PDXDC1: variants seen among roughly 807,000 people sequenced by gnomAD.
The protein encoded by PDXDC1 is pyridoxal dependent decarboxylase domain containing 1, also known as pyridoxal-dependent decarboxylase domain-containing protein 1.
Under a neutral mutation model 100.1 loss-of-function variants are expected in PDXDC1, and 42 were observed. That is an observed-to-expected ratio of 0.42 (90% CI 0.33 to 0.54). The LOEUF is 0.54. Among genes scored for constraint, PDXDC1 ranks in the 20% least tolerant of loss-of-function variants. The pLI, the probability that PDXDC1 is intolerant of heterozygous loss-of-function variation, is 0.10. For missense variants in PDXDC1, 636 were observed against 979.2 expected (o/e 0.65, Z 4.68); for synonymous variants, 260 against 371.7 (o/e 0.70, Z 3.46).
downstream of PDXDC1, among the ~76,000 whole-genome samples, chr16:15,139,885 CAA>C (rs1271353575): frequency 6.6e-6 from 1 of 151,960 alleles, no homozygotes; most frequent in Admixed American, 6.6e-5. Context: ...ATTATGAGAT[CAA>C]GAGATCGAGA....
intron 12 of PDXDC1, among the ~76,000 whole-genome samples, chr16:15,021,782 A>G (rs1189287190): frequency 2.0e-5 from 3 of 152,278 alleles, no homozygotes. Flanking sequence ...ACAGTGGAGC[A>G]TACATTTCCT....
At chr16:15,143,637 G>A (rs1598296741), downstream of PDXDC1, among the ~76,000 whole-genome samples, 2 of 152,222 alleles carry the variant, frequency 1.3e-5, no homozygotes, top group African/African-American at 4.8e-5. Context: ...TTGTGGCTGG[G>A]CCTTCTGCCC....
upstream of PDXDC1, chr16:14,974,862 A>G (rs1018714960): frequency 1.3e-5 from 20 of 1,535,528 alleles, no homozygotes; most frequent in African/African-American, 1.8e-4. Flanking sequence ...TGATTATTAT[A>G]CTTCTACCTT....
intron 1 of PDXDC1, among the ~76,000 whole-genome samples, chr16:14,984,118 G>C (rs1448131774): frequency 6.6e-6 from 1 of 152,156 alleles, no homozygotes; most frequent in African/African-American, 2.4e-5. Flanking sequence ...AGCCACGATA[G>C]TGCCGCTGCA....
chr16:15,041,411 G>A (rs937224230), downstream of PDXDC1, among the ~76,000 whole-genome samples: 1 of 152,052 alleles, frequency 6.6e-6, no homozygotes, highest in Non-Finnish European at 1.5e-5. Flanking sequence ...CTCCTTCCTG[G>A]TAGACGAGGG....
At chr16:15,104,905 C>T (rs2046737466) in intron 16 of PDXDC1, 4 of 1,534,010 alleles carry the variant, frequency 2.6e-6, no homozygotes, top group African/African-American at 1.4e-5. Context: ...GTATCAGTGT[C>T]ATATCACCCT....
intron 16 of PDXDC1, among the ~76,000 whole-genome samples, chr16:15,069,248 A>C (rs1281199607): frequency 6.6e-6 from 1 of 152,122 alleles, no homozygotes; most frequent in African/African-American, 2.4e-5. Context: ...TGCTGTTGGC[A>C]GCTAGTAGGT....
the PDXDC1 span, among the ~76,000 whole-genome samples, chr16:15,149,931 A>G: frequency 6.6e-6 from 1 of 152,186 alleles, no homozygotes; most frequent in Non-Finnish European, 1.5e-5. Flanking sequence ...TCACAGCACC[A>G]CGGAGGAGAC....
intron 16 of PDXDC1, among the ~76,000 whole-genome samples, chr16:15,109,958 A>G (rs1487576816): frequency 2.8e-5 from 4 of 144,978 alleles, no homozygotes; most frequent in Non-Finnish European, 6.2e-5. Context: ...GTTCGAGACC[A>G]GCCTGGACAA....
At chr16:15,127,276 T>C in intron 16 of PDXDC1, 1 of 569,768 alleles carries the variant, frequency 1.8e-6, no homozygotes, top group South Asian at 1.6e-5. Flanking sequence ...TCTTTCACGA[T>C]TCTGGCTTCT....
chr16:15,022,903 C>CA, intron 13 of PDXDC1, 149 bp downstream of exon 13: 2 of 703,948 alleles, frequency 2.8e-6, no homozygotes, highest in Non-Finnish European at 4.6e-6. Context: ...AAAAACGAAA[C>CA]AAAAAACAAA....
intron 21 of PDXDC1, among the ~76,000 whole-genome samples, chr16:15,035,189 G>T (rs2043333145): frequency 6.6e-6 from 1 of 152,210 alleles, no homozygotes; most frequent in Admixed American, 6.5e-5. Context: ...ACTTCTTGTG[G>T]CTACAGTACG....
intron 16 of PDXDC1, among the ~76,000 whole-genome samples, chr16:15,096,219 G>T (rs1484912193): frequency 6.6e-6 from 1 of 151,426 alleles, no homozygotes; most frequent in Admixed American, 6.6e-5. Context: ...AGCGATTCTT[G>T]TGCCTCAGCC....
intron 16 of PDXDC1, chr16:15,131,239 G>A (rs768351969): frequency 6.3e-7 from 1 of 1,591,994 alleles, no homozygotes; most frequent in Non-Finnish European, 8.5e-7. Flanking sequence ...CGAGTTGTTG[G>A]GCACCTTCAC....
At chr16:14,990,521 A>G (rs577744070) in intron 1 of PDXDC1, among the ~76,000 whole-genome samples, 3 of 152,402 alleles carry the variant, frequency 2.0e-5, no homozygotes, top group African/African-American at 7.2e-5. Context: ...TTAATCTACA[A>G]CTTTTCATAG....
chr16:15,022,737 A>T lies in PDXDC1; in HGVS notation c.1123A>T (p.Asn375Tyr), dbSNP rs550567848. 4 of 1,612,334 alleles carry T rather than the reference A, an allele frequency of 2.5e-6. No individual in the cohort carries two copies. Among genetic ancestry groups the T allele is most frequent in the Non-Finnish European group, 3.4e-6 (4 of 1,179,048 alleles). ...GTTGCAGGAAAGTTTGAAGAAAGTG[A>T]ATTACATCAAAATCTTGGTATAGTA... is the stretch of plus-strand genomic sequence containing the variant. ...QRLQESLKKVNYIKILVEDEL... is the reference protein window; with the variant it reads ...QRLQESLKKVYYIKILVEDEL... The change falls in exon 13 of 23, where the codon AAT becomes TAT. Residue 375 changes from asparagine (N) to tyrosine (Y), a missense_variant. Asn to Tyr is a moderately radical substitution (Grantham distance 143). This residue lies in a region of PDXDC1 where 125 missense variants were observed against 479.9 expected (regional missense o/e 0.26). Transcript: ENST00000396410.
chr16:14,985,369 G>C (rs1447163723), intron 1 of PDXDC1, among the ~76,000 whole-genome samples: 1 of 144,470 alleles, frequency 6.9e-6, no homozygotes, highest in Non-Finnish European at 1.5e-5. Flanking sequence ...CTTACTGCAA[G>C]CTCCGCCTCC....
At chr16:15,021,445 G>C (rs901819240) in intron 12 of PDXDC1, among the ~76,000 whole-genome samples, 4 of 152,120 alleles carry the variant, frequency 2.6e-5, no homozygotes, top group African/African-American at 9.7e-5. Context: ...TGCATTTTTT[G>C]AAAAGTGTCT....
chr16:15,009,465 T>C, intron 7 of PDXDC1: 1 of 893,790 alleles, frequency 1.1e-6, no homozygotes, highest in Non-Finnish European at 1.6e-6. Flanking sequence ...ATGTACAGTT[T>C]TTACCTTTAA....
Sources: gnomAD v4.1 joint callset for allele counts (sites outside exome capture counted in the v4.1 genomes callset) on GRCh38, gnomAD v4.1.1 for gene constraint, gnomAD v4.1.1 regional missense constraint, MANE v1.5 for transcripts, NCBI Gene and HGNC (gene_info 2026-07-23, HGNC 2026-07-21) for gene names.